HTATIP2: variants seen among roughly 807,000 people sequenced by gnomAD.
The protein encoded by HTATIP2 is HIV-1 Tat interactive protein 2.
A neutral mutation model predicts 24.7 loss-of-function variants in HTATIP2; 26 were observed. The observed-to-expected ratio is 1.05, with a 90% CI of 0.77 to 1.46. The LOEUF (loss-of-function observed/expected upper bound fraction) is 1.46, where lower values mean the gene tolerates loss of function less well. HTATIP2 is among the 40% of genes most tolerant of loss of function. The probability of loss-of-function intolerance (pLI) is 0.00; values close to 1 mark genes in which losing one functional copy is unlikely to be tolerated. For missense variants in HTATIP2, 284 were observed against 289.6 expected (o/e 0.98, Z 0.14); for synonymous variants, 99 against 113.2 (o/e 0.87, Z 0.79).
chr11:20,382,194 A>G lies in HTATIP2; in HGVS notation c.458A>G (p.Lys153Arg). 1.3e-6 allele frequency: 2 copies of G among 1,593,524 alleles called. No individual in the cohort carries two copies. The highest frequency in any genetic ancestry group is 1.7e-6 in the Non-Finnish European group (2 of 1,161,290). ...YLQVKGEVEA[K>R]VEELKFDRYS... ...TCTTAATAGGGAGAAGTAGAAGCCA[A>G]GGTTGAAGAATTAAAATTTGATCGT... The change falls in exon 4 of 5, where the codon AAG becomes AGG. Residue 153 changes from lysine to arginine, a missense_variant. Physicochemically the swap from Lys to Arg is conservative, Grantham distance 26 (BLOSUM62 2). Coordinates refer to ENST00000451739, the MANE Select transcript of HTATIP2 (RefSeq NM_001098522.2).
intron 1 of HTATIP2, among the ~76,000 whole-genome samples, chr11:20,366,871 T>C (rs2064713757): frequency 6.6e-6 from 1 of 152,186 alleles, no homozygotes; most frequent in African/African-American, 2.4e-5. Flanking sequence ...ACCTCAGTGG[T>C]CTCCTTCCTG....
chr11:20,368,734 C>T (rs1276404466), intron 2 of HTATIP2, among the ~76,000 whole-genome samples: 1 of 152,188 alleles, frequency 6.6e-6, no homozygotes, highest in East Asian at 1.9e-4. Context: ...AGGCAAATCT[C>T]ATTATAGGGT....
At position 20,363,899 on chromosome 11, in the gene HTATIP2, G is replaced by T. The variant is rs1002989693; in HGVS notation, c.-339G>T. 1 of 1,242,992 alleles carries T rather than the reference G, an allele frequency of 8.0e-7. No homozygotes were observed. Among genetic ancestry groups the T allele is most frequent in the Admixed American group, 4.2e-5 (1 of 23,760 alleles). 77.0% of individuals were successfully genotyped at this position (1,242,992 alleles called of 1,614,324 possible). ...GCTGCGTCGTGAGGACCCGGGGCCG[G>T]GGGCTGGCCCCAGGTAACCCCTCCG... On this transcript the variant is annotated 5_prime_UTR_variant, in exon 1 of 5. Transcript: ENST00000451739.
intron 3 of HTATIP2, among the ~76,000 whole-genome samples, chr11:20,379,653 A>G (rs1264769260): frequency 6.6e-6 from 1 of 152,186 alleles, no homozygotes. Context: ...GAGACGTGTC[A>G]GGATGTGGAG....
intron 2 of HTATIP2, 35 bp downstream of exon 2, chr11:20,367,316 G>C: frequency 6.2e-7 from 1 of 1,613,344 alleles, no homozygotes; most frequent in Non-Finnish European, 8.5e-7. Context: ...CCTTTTTGCT[G>C]GCCAGTAATA....
chr11:20,377,423 T>C (rs935569505), intron 3 of HTATIP2, among the ~76,000 whole-genome samples: 10 of 152,198 alleles, frequency 6.6e-5, no homozygotes, highest in African/African-American at 1.9e-4. Flanking sequence ...CTTTTAAAAA[T>C]TTATGCACAT....
intron 3 of HTATIP2, 133 bp downstream of exon 3, chr11:20,376,850 T>C: frequency 1.7e-6 from 1 of 588,356 alleles, no homozygotes; most frequent in Non-Finnish European, 2.8e-6. Flanking sequence ...GCTACGGGAC[T>C]GCAGGAATAT....
At chr11:20,371,690 C>T (rs1190073814) in intron 2 of HTATIP2, among the ~76,000 whole-genome samples, 10 of 152,038 alleles carry the variant, frequency 6.6e-5, no homozygotes, top group Non-Finnish European at 8.8e-5. Context: ...CTGCTTGCCT[C>T]GGCCTCCCAA....
chr11:20,365,877 G>A (rs549624208), intron 1 of HTATIP2, among the ~76,000 whole-genome samples: 203 of 150,902 alleles, frequency 1.3e-3, no homozygotes, highest in Non-Finnish European at 2.6e-3. Flanking sequence ...AGGCGGAGGT[G>A]CGAGAATCAC....
At chr11:20,367,573 C>G in intron 2 of HTATIP2, 1 of 1,392,808 alleles carries the variant, frequency 7.2e-7, no homozygotes, top group Non-Finnish European at 9.3e-7. Flanking sequence ...CTAAGGGAAA[C>G]CATGATGTCT....
At chr11:20,367,422 C>A (rs1283779694) in intron 2 of HTATIP2, 141 bp downstream of exon 2, 2 of 1,546,302 alleles carry the variant, frequency 1.3e-6, no homozygotes, top group African/African-American at 2.7e-5. Context: ...ATATGCTGCA[C>A]TAACCTTTGG....
chr11:20,382,359 AG>A (rs1848533515), intron 4 of HTATIP2, 120 bp downstream of exon 4: 1 of 610,820 alleles, frequency 1.6e-6, no homozygotes, highest in African/African-American at 1.9e-5. Context: ...CATTGGCTAG[AG>A]GTAGATTGCT....
chr11:20,380,238 G>T (rs1357589834), intron 3 of HTATIP2, among the ~76,000 whole-genome samples: 1 of 152,174 alleles, frequency 6.6e-6, no homozygotes, highest in Admixed American at 6.5e-5. Flanking sequence ...GGGAATGGTG[G>T]GAACACACCG....
chr11:20,366,961 G>GTTATCAGAAA (rs2064715612), intron 1 of HTATIP2, among the ~76,000 whole-genome samples: 1 of 152,132 alleles, frequency 6.6e-6, no homozygotes, highest in South Asian at 2.1e-4. Flanking sequence ...ATCACCCCTA[G>GTTATCAGAAA]TCCAGTTATA....
At chr11:20,382,839 A>T (rs931759214) in intron 4 of HTATIP2, 141 bp from the exon 5 acceptor site, 3 of 527,916 alleles carry the variant, frequency 5.7e-6, no homozygotes, top group Non-Finnish European at 9.7e-6. Context: ...TTATCTTCAA[A>T]TATAGACACC....
intron 3 of HTATIP2, among the ~76,000 whole-genome samples, chr11:20,378,561 G>C (rs1848476521): frequency 6.6e-6 from 1 of 152,048 alleles, no homozygotes; most frequent in Admixed American, 6.6e-5. Flanking sequence ...ATACCTTTTA[G>C]GAAAGAAAAT....
chr11:20,377,168 C>A (rs1465181912), intron 3 of HTATIP2, among the ~76,000 whole-genome samples: 1 of 145,510 alleles, frequency 6.9e-6, no homozygotes, highest in East Asian at 2.0e-4. Context: ...GGCTGGAGTG[C>A]AGTGGCATGA....
intron 3 of HTATIP2, among the ~76,000 whole-genome samples, chr11:20,380,021 C>T (rs1016099619): frequency 6.6e-6 from 1 of 152,222 alleles, no homozygotes; most frequent in African/African-American, 2.4e-5. Context: ...AGAGCTTGCA[C>T]AGGATGTGCT....
At chr11:20,366,622 G>A (rs558155688) in intron 1 of HTATIP2, among the ~76,000 whole-genome samples, 2 of 152,046 alleles carry the variant, frequency 1.3e-5, no homozygotes, top group Non-Finnish European at 2.9e-5. Flanking sequence ...AGAACTATTG[G>A]TGTGGGATGT....
Sources: allele counts gnomAD v4.1 joint callset (sites outside exome capture counted in the v4.1 genomes callset), GRCh38; gene constraint gnomAD v4.1.1; transcripts MANE v1.5; gene names NCBI Gene and HGNC (gene_info 2026-07-23, HGNC 2026-07-21).